Variants in INPP4B observed in about 807,000 individuals in gnomAD.
The protein encoded by INPP4B is inositol polyphosphate-4-phosphatase type II B.
In INPP4B, 55 loss-of-function variants were observed where a neutral mutation model predicts 122.5. The observed-to-expected ratio is 0.45, with a 90% CI of 0.36 to 0.56. INPP4B has a LOEUF of 0.56. INPP4B is among the 20% of genes least tolerant of loss of function. The pLI is 0.00. For missense variants in INPP4B, 1,000 were observed against 1,097.7 expected, an observed-to-expected ratio of 0.91 and a Z score of 1.26; for synonymous variants, 403 against 388.7, an observed-to-expected ratio of 1.04 and a Z score of -0.43.
intron 2 of INPP4B, among the ~76,000 whole-genome samples, chr4:142,555,487 T>C (rs1024297900): frequency 8.0e-4 from 121 of 152,166 alleles, no homozygotes; most frequent in Non-Finnish European, 5.1e-4. Context: ...CACTGAATAG[T>C]TGTAAATGGG....
chr4:142,556,130 T>C (rs996317838), intron 2 of INPP4B, among the ~76,000 whole-genome samples: 3 of 152,130 alleles, frequency 2.0e-5, no homozygotes, highest in African/African-American at 7.2e-5. Context: ...AAAGCTGCAA[T>C]CAGAACCCAG....
chr4:142,696,149 A>C (rs537839636), intron 2 of INPP4B, among the ~76,000 whole-genome samples: 1 of 152,230 alleles, frequency 6.6e-6, no homozygotes, highest in Non-Finnish European at 1.5e-5. Context: ...CAGGAAGTCA[A>C]ATAATGACAC....
intron 2 of INPP4B, among the ~76,000 whole-genome samples, chr4:142,641,681 G>A (rs993396411): frequency 6.6e-6 from 1 of 152,104 alleles, no homozygotes; most frequent in East Asian, 1.9e-4. Context: ...GGACAATTTG[G>A]GTTGGTTCCA....
chr4:142,626,625 T>C (rs1275136671), intron 2 of INPP4B, among the ~76,000 whole-genome samples: 1 of 152,034 alleles, frequency 6.6e-6, no homozygotes, highest in African/African-American at 2.4e-5. Flanking sequence ...TCATGGGCAA[T>C]GACCCCAGTT....
At chr4:142,066,352 G>A (rs970159130) in intron 25 of INPP4B, among the ~76,000 whole-genome samples, 1 of 152,148 alleles carries the variant, frequency 6.6e-6, no homozygotes, top group Non-Finnish European at 1.5e-5. Context: ...CAAAAAAGAT[G>A]TTAAAAATGT....
At chr4:142,434,105 A>C (rs1435061064) in intron 3 of INPP4B, among the ~76,000 whole-genome samples, 1 of 152,212 alleles carries the variant, frequency 6.6e-6, no homozygotes, top group African/African-American at 2.4e-5. Context: ...CCGAGACGTG[A>C]TATTTTTTAG....
chr4:142,801,438 C>A (rs1777996571), intron 1 of INPP4B, among the ~76,000 whole-genome samples: 1 of 152,148 alleles, frequency 6.6e-6, no homozygotes, highest in African/African-American at 2.4e-5. Flanking sequence ...TAGATACATG[C>A]AGAGACACCA....
chr4:142,578,908 T>C (rs754297254), intron 2 of INPP4B, among the ~76,000 whole-genome samples: 1 of 152,010 alleles, frequency 6.6e-6, no homozygotes, highest in Admixed American at 6.6e-5. Context: ...AGAGAAATTA[T>C]AGTCCTCTTA....
chr4:142,128,842 A>G (rs1161221109), intron 18 of INPP4B, among the ~76,000 whole-genome samples: 2 of 152,168 alleles, frequency 1.3e-5, no homozygotes, highest in Admixed American at 6.5e-5. Context: ...TCTGAGCTCA[A>G]TCACTCTTAT....
At chr4:142,623,734 A>T (rs1745537884) in intron 2 of INPP4B, among the ~76,000 whole-genome samples, 1 of 142,624 alleles carries the variant, frequency 7.0e-6, no homozygotes, top group Non-Finnish European at 1.5e-5. Context: ...CCACCCCACA[A>T]CAGTCCCCAG....
chr4:142,317,942 G>A (rs1768392412), intron 7 of INPP4B, among the ~76,000 whole-genome samples: 1 of 152,202 alleles, frequency 6.6e-6, no homozygotes, highest in African/African-American at 2.4e-5. Context: ...TGTTATAGAA[G>A]TGGAGTTTTA....
chr4:142,116,978 A>T (rs1793884882), intron 21 of INPP4B, among the ~76,000 whole-genome samples: 1 of 152,186 alleles, frequency 6.6e-6, no homozygotes, highest in Non-Finnish European at 1.5e-5. Flanking sequence ...GATAAAGGGG[A>T]TATCACTACT....
At chr4:142,072,906 G>T (rs940310241) in intron 25 of INPP4B, among the ~76,000 whole-genome samples, 1 of 152,000 alleles carries the variant, frequency 6.6e-6, no homozygotes, top group African/African-American at 2.4e-5. Context: ...TACAGATAAA[G>T]AACCTAAGGC....
intron 3 of INPP4B, among the ~76,000 whole-genome samples, chr4:142,448,548 T>C (rs958596421): frequency 6.6e-6 from 1 of 152,134 alleles, no homozygotes; most frequent in Non-Finnish European, 1.5e-5. Context: ...TGTGAATGGA[T>C]AGGATCACAC....
intron 2 of INPP4B, among the ~76,000 whole-genome samples, chr4:142,554,512 G>T (rs1728732331): frequency 6.6e-6 from 1 of 152,072 alleles, no homozygotes; most frequent in Admixed American, 6.6e-5. Flanking sequence ...CCTTTTAGTG[G>T]ATTTCAGGCT....
intron 2 of INPP4B, among the ~76,000 whole-genome samples, chr4:142,514,798 T>C (rs1825202974): frequency 7.6e-6 from 1 of 131,246 alleles, no homozygotes; most frequent in South Asian, 2.5e-4. Flanking sequence ...ATTTCTTTTT[T>C]TTTTTTTTTT....
intron 18 of INPP4B, among the ~76,000 whole-genome samples, chr4:142,143,832 A>C (rs953142504): frequency 2.6e-5 from 4 of 152,112 alleles, no homozygotes; most frequent in African/African-American, 9.6e-5. Context: ...ATTCGTTTAC[A>C]GTCATTATAA....
intron 1 of INPP4B, among the ~76,000 whole-genome samples, chr4:142,755,662 G>A (rs1370092860): frequency 6.6e-6 from 1 of 151,742 alleles, no homozygotes; most frequent in African/African-American, 2.4e-5. Flanking sequence ...TTTTAAAATG[G>A]GCTTTAATTA....
In INPP4B at chr4:142,122,184, T is replaced by G. The variant is rs142477683; in HGVS notation, c.2079A>C (p.Ala693=). 1 of 1,612,368 alleles carries G rather than the reference T, an allele frequency of 6.2e-7. No individual in the cohort carries two copies. The highest frequency in any genetic ancestry group is 8.5e-7 in the Non-Finnish European group (1 of 1,179,166). Reference sequence around the variant, plus strand: ...TGGATTTGGCTTCAATTATTTTAAATGCAACTTTCTTTAAATCGGAAATGC... The same window carrying G: ...TGGATTTGGCTTCAATTATTTTAAAGGCAACTTTCTTTAAATCGGAAATGC... ...AVGISDLKKV[A]FKIIEAKSND... is the part of the protein sequence containing the mutation. Residue 693 remains alanine (A), a synonymous_variant, in exon 21 of 26, where the codon GCA becomes GCC. Transcript: ENST00000262992.
Sources: gnomAD v4.1 joint callset for allele counts (sites outside exome capture counted in the v4.1 genomes callset) on GRCh38, gnomAD v4.1.1 for gene constraint, MANE v1.5 for transcripts, NCBI Gene and HGNC (gene_info 2026-07-23, HGNC 2026-07-21) for gene names.